The following CBLL1 variants were observed in gnomAD, a reference collection of about 807,000 sequenced individuals.
CBLL1 encodes Cbl proto-oncogene like 1.
Under a neutral mutation model 44.9 loss-of-function variants are expected in CBLL1, and 4 were observed. The ratio of observed to expected loss-of-function variants is 0.09; its 90% CI spans 0.04 to 0.20. The LOEUF (loss-of-function observed/expected upper bound fraction) is 0.20. Ranked by LOEUF, CBLL1 falls within the 10% of genes least tolerant of loss-of-function variation. CBLL1 has a pLI of 1.00. For synonymous variants in CBLL1, 235 were observed against 202.2 expected (o/e 1.16, Z -1.38); for missense variants, 569 against 636.7 (o/e 0.89, Z 1.14).
At chr7:107,745,880 C>T (rs992055574) in intron 1 of CBLL1, among the ~76,000 whole-genome samples, 1 of 152,116 alleles carries the variant, frequency 6.6e-6, no homozygotes, top group African/African-American at 2.4e-5. Context: ...AGTGTTTGGT[C>T]TTGGACTGCT....
At chr7:107,749,621 C>A (rs1293656887) in intron 2 of CBLL1, among the ~76,000 whole-genome samples, 3 of 142,650 alleles carry the variant, frequency 2.1e-5, no homozygotes, top group Admixed American at 7.0e-5. Flanking sequence ...TTTTTAAGAG[C>A]AATTTGACAG....
rs772537269 is a variant in CBLL1 at position 107,758,347 on chromosome 7, A to G, written c.645A>G (p.Glu215=). The G allele has an allele frequency of 6.2e-7, 1 of 1,613,986 alleles. No homozygotes were observed. The highest frequency in any genetic ancestry group is 1.1e-5 in the South Asian group (1 of 91,068). Residue 215 remains glutamate (E), a synonymous_variant, in exon 6 of 6, where the codon GAA becomes GAG. Coordinates refer to ENST00000440859, the MANE Select transcript of CBLL1 (RefSeq NM_024814.4). This position sits in a 1 kb window ranked among gnomAD's most constrained non-coding sequence, Gnocchi z 4.2. ...CTCCTATTGCCCCACCACCAACTGA[A>G]ATCCCTGAGCGTTTTATAATGCCAC... ...VHPPIAPPPT[E]IPERFIMPPD...
In CBLL1 at chr7:107,752,460, GTGTGTC is replaced by G. The variant is rs1461233279; in HGVS notation, c.182-939_182-934del. On this transcript the variant is annotated intron_variant, in intron 2 of 5. Transcript: ENST00000440859. Reference sequence around the variant, plus strand: ...AATGTGTCTCTCTGTGTGTGTGTGTGTGTGTCTGTGTCTGTGTATAGGTGCTGTAAT... The same window carrying G: ...AATGTGTCTCTCTGTGTGTGTGTGTGTGTGTCTGTGTATAGGTGCTGTAAT... 860 of 529,622 alleles carry G rather than the reference GTGTGTC, an allele frequency of 1.6e-3. 7 individuals carry two copies. Among genetic ancestry groups the G allele is most frequent in the African/African-American group, 0.015 (772 of 50,898 alleles). The allele number at this position is 529,622 out of a possible 1,614,324, so 32.8% of individuals were successfully genotyped here.
chr7:107,748,871 C>G lies in CBLL1; in HGVS notation c.14-9C>G, dbSNP rs1002847483. On this transcript the variant is annotated splice_polypyrimidine_tract_variant and intron_variant, in intron 1 of 5. Coordinates refer to ENST00000440859, the MANE Select transcript of CBLL1 (RefSeq NM_024814.4). Reference sequence around the variant, plus strand: ...TAAAAGAAATTACAACTTTTTTTTCCTAACACAGACAATGAGTTACAAGGC... The same window carrying G: ...TAAAAGAAATTACAACTTTTTTTTCGTAACACAGACAATGAGTTACAAGGC... 2.6e-6 allele frequency: 4 copies of G among 1,563,340 alleles called. No individual in the cohort carries two copies. The African/African-American group carries it at 5.6e-5, about 22-fold the overall frequency.
rs985741812 is a variant in CBLL1, at chr7:107,753,599, T to C, written c.282+88T>C. 7 of 675,132 alleles carry C rather than the reference T, an allele frequency of 1.0e-5. No homozygotes were observed. In the Admixed American group the frequency reaches 1.4e-4, roughly 14 times the overall value. The allele number at this position is 675,132 out of a possible 1,614,324, so 41.8% of individuals were successfully genotyped here. A position where few individuals can be genotyped will look rare whatever the true frequency, so the allele number is the denominator to read the frequency against. Reference sequence around the variant, plus strand: ...AATGTTTTATTGGAGTAATGCACAGTACATTAAGAATATTATGAACTTATA... The same window carrying C: ...AATGTTTTATTGGAGTAATGCACAGCACATTAAGAATATTATGAACTTATA... On this transcript the variant is annotated intron_variant, in intron 3 of 5. Coordinates refer to ENST00000440859, the MANE Select transcript of CBLL1 (RefSeq NM_024814.4).
chr7:107,757,387 C>CCCAAGATCTTCAGATT (rs1363552465), intron 5 of CBLL1, among the ~76,000 whole-genome samples: 1 of 152,086 alleles, frequency 6.6e-6, no homozygotes, highest in Non-Finnish European at 1.5e-5. Context: ...AATACCAGAT[C>CCCAAGATCTTCAGATT]CCAAGATCTT....
Position 107,758,432 on chromosome 7 carries a change from C to T in CBLL1, c.730C>T (p.Pro244Ser), listed in dbSNP as rs1793627543. Reference sequence around the variant, plus strand: ...GCAGCACATCATGATGCCACCACCTCCTTTGCAACATGTGCCACATGAGCA... The same window carrying T: ...GCAGCACATCATGATGCCACCACCTTCTTTGCAACATGTGCCACATGAGCA... Reference protein sequence around the residue: ...PKQHIMMPPPPLQHVPHEHYN... With the variant: ...PKQHIMMPPPSLQHVPHEHYN... Residue 244 changes from proline to serine, a missense_variant, in exon 6 of 6, where the codon CCT becomes TCT. Pro to Ser is a moderately conservative substitution (Grantham distance 74). Coordinates refer to ENST00000440859, the MANE Select transcript of CBLL1 (RefSeq NM_024814.4). The surrounding 1 kb of genome is among the most constrained non-coding windows in gnomAD (Gnocchi z 4.2). The T allele has an allele frequency of 2.5e-6, 4 of 1,614,152 alleles. No individual in the cohort carries two copies. Among genetic ancestry groups the T allele is most frequent in the East Asian group, 2.2e-5 (1 of 44,884 alleles).
intron 2 of CBLL1, among the ~76,000 whole-genome samples, chr7:107,750,235 A>G (rs1793223767): frequency 6.6e-6 from 1 of 152,102 alleles, no homozygotes; most frequent in Non-Finnish European, 1.5e-5. Flanking sequence ...GGCGTGAGCC[A>G]CTGTGCCTGG....
In CBLL1 at chr7:107,748,904, G is replaced by A. The variant is rs763020344; in HGVS notation, c.38G>A (p.Ser13Asn). 1.9e-6 allele frequency: 3 copies of A among 1,612,848 alleles called. No homozygotes were observed. The highest frequency in any genetic ancestry group is 3.3e-5 in the Admixed American group (2 of 59,806). The stretch of plus-strand genomic sequence containing the variant: ...GACAATGAGTTACAAGGCACTAATA[G>A]TTCTGGATCCTTGGGTGGTCTTGAT... Reference protein sequence around the residue: ...HTDNELQGTNSSGSLGGLDVR... With the variant: ...HTDNELQGTNNSGSLGGLDVR... The change falls in exon 2 of 6, where the codon AGT becomes AAT. Residue 13 changes from serine to asparagine, a missense_variant. Ser to Asn is a conservative substitution (Grantham distance 46). Coordinates refer to ENST00000440859, the MANE Select transcript of CBLL1 (RefSeq NM_024814.4).
At chr7:107,752,154 GC>G (rs1252854650) in intron 2 of CBLL1, among the ~76,000 whole-genome samples, 1 of 149,532 alleles carries the variant, frequency 6.7e-6, no homozygotes, top group African/African-American at 2.5e-5. Context: ...AGCGGAGATT[GC>G]GCCACTGCAC....
At chr7:107,747,529 T>TGAAAACA (rs1793077160) in intron 1 of CBLL1, among the ~76,000 whole-genome samples, 1 of 152,178 alleles carries the variant, frequency 6.6e-6, no homozygotes, top group African/African-American at 2.4e-5. Context: ...GCAACTACAA[T>TGAAAACA]GAAAACAGAT....
At chr7:107,749,352 A>G in intron 2 of CBLL1, 2 of 182,690 alleles carry the variant, frequency 1.1e-5, no homozygotes, top group Non-Finnish European at 2.3e-5. Flanking sequence ...TGACTTTTTT[A>G]TACAAAAGTA....
chr7:107,752,193 T>C (rs1186314148), intron 2 of CBLL1, among the ~76,000 whole-genome samples: 2 of 144,826 alleles, frequency 1.4e-5, no homozygotes, highest in African/African-American at 5.2e-5. Context: ...AGTGAGACTC[T>C]GTCTCAAAAA....
intron 2 of CBLL1, among the ~76,000 whole-genome samples, chr7:107,749,904 T>TA: frequency 6.6e-6 from 1 of 151,930 alleles, no homozygotes; most frequent in Admixed American, 6.6e-5. Flanking sequence ...GGGTTTTTGT[T>TA]ATATGTTATG....
At chr7:107,752,891 C>G (rs1445272720) in intron 2 of CBLL1, among the ~76,000 whole-genome samples, 1 of 152,138 alleles carries the variant, frequency 6.6e-6, no homozygotes, top group Non-Finnish European at 1.5e-5. Flanking sequence ...CTAAATCACT[C>G]ATTTTAGGGC....
Position 107,759,046 on chromosome 7 carries a change from A to C in CBLL1, c.1344A>C (p.Gly448=), listed in dbSNP as rs769646699. The change falls in exon 6 of 6, where the codon GGA becomes GGC. Residue 448 remains glycine (G), a synonymous_variant. Coordinates refer to ENST00000440859, the MANE Select transcript of CBLL1 (RefSeq NM_024814.4). ...TLSPPFTQPG[G]MSPGIWPAPR... is the part of the protein sequence containing the mutation. Reference sequence around the variant, plus strand: ...GCCCTCCATTTACACAACCAGGGGGAATGAGTCCTGGTATATGGCCTGCAC... The same window carrying C: ...GCCCTCCATTTACACAACCAGGGGGCATGAGTCCTGGTATATGGCCTGCAC... The C allele has an allele frequency of 6.2e-6, 10 of 1,613,610 alleles. No individual in the cohort carries two copies. The African/African-American group carries it at 1.3e-4, about 22-fold the overall frequency.
intron 5 of CBLL1, among the ~76,000 whole-genome samples, chr7:107,756,279 T>G (rs1562864712): frequency 1.3e-5 from 2 of 152,274 alleles, no homozygotes; most frequent in South Asian, 4.1e-4. Context: ...GTGGTATTGA[T>G]TGATAACAAA....
chr7:107,759,149 C>A lies in CBLL1; in HGVS notation c.1447C>A (p.Gln483Lys), dbSNP rs755058391. ...ACTTCCTGGACCACATCATCCAGATCAGACAAGATATAGACCGTATTACCA... is the reference window on the plus strand; with the variant it reads ...ACTTCCTGGACCACATCATCCAGATAAGACAAGATATAGACCGTATTACCA... Reference protein sequence around the residue: ...TPLPGPHHPDQTRYRPYYQ With the variant: ...TPLPGPHHPDKTRYRPYYQ The change falls in exon 6 of 6, where the codon CAG becomes AAG. Residue 483 changes from glutamine to lysine, a missense_variant. Around this residue, in one of 5 missense-constraint regions of CBLL1, gnomAD observed 228 missense variants for 253.2 expected, o/e 0.90. Transcript: ENST00000440859. The A allele has an allele frequency of 6.2e-7, 1 of 1,612,978 alleles. No individual in the cohort carries two copies. The highest frequency in any genetic ancestry group is 1.7e-5 in the Admixed American group (1 of 59,960).
Position 107,758,088 on chromosome 7 carries a change from C to A in CBLL1, c.441-55C>A. On this transcript the variant is annotated intron_variant, in intron 5 of 5. Coordinates refer to ENST00000440859, the MANE Select transcript of CBLL1 (RefSeq NM_024814.4). This position sits in a 1 kb window ranked among gnomAD's most constrained non-coding sequence, Gnocchi z 4.2. ...AAAACAAGCATATTTTTGAAAATTA[C>A]ATAATTTTTTGTATTCTCTTTTAGT... The A allele has an allele frequency of 4.1e-6, 6 of 1,464,046 alleles. No individual in the cohort carries two copies. The highest frequency in any genetic ancestry group is 5.5e-6 in the Non-Finnish European group (6 of 1,089,782). 90.7% of individuals were successfully genotyped at this position (1,464,046 alleles called of 1,614,324 possible).
Sources: gnomAD v4.1 joint callset for allele counts (sites outside exome capture counted in the v4.1 genomes callset) on GRCh38, gnomAD v4.1.1 for gene constraint, gnomAD v4.1.1 regional missense constraint, Gnocchi (gnomAD v3.1) non-coding constraint, MANE v1.5 for transcripts, NCBI Gene and HGNC (gene_info 2026-07-23, HGNC 2026-07-21) for gene names.